The following CBR4 variants were observed in gnomAD, a reference collection of about 807,000 sequenced individuals.
The protein encoded by CBR4 is 3-oxoacyl-[acyl-carrier-protein] reductase.
CBR4 carries 22 observed loss-of-function variants against 21.0 expected under a neutral mutation model. The observed-to-expected ratio is 1.05, with a 90% CI of 0.75 to 1.50. The LOEUF is 1.50. Ranked by LOEUF, CBR4 falls within the 40% of genes most tolerant of loss-of-function variation. The probability of loss-of-function intolerance (pLI) is 0.00; values close to 1 mark genes in which losing one functional copy is unlikely to be tolerated. For synonymous variants in CBR4, 100 were observed against 104.4 expected (o/e 0.96, Z 0.26); for missense variants, 302 against 286.3 (o/e 1.05, Z -0.40).
intron 2 of CBR4, among the ~76,000 whole-genome samples, chr4:168,975,119 C>T (rs1764329567): frequency 6.6e-6 from 1 of 152,024 alleles, no homozygotes; most frequent in South Asian, 2.1e-4. Flanking sequence ...GTTCTCTCCC[C>T]CTTCCTCTAG....
chr4:168,911,268 T>C (rs992766282), intron 2 of CBR4, among the ~76,000 whole-genome samples: 1 of 152,230 alleles, frequency 6.6e-6, no homozygotes, highest in Admixed American at 6.5e-5. Flanking sequence ...TAACAACCCA[T>C]ACCTCCTTTT....
At chr4:168,924,391 A>C (rs1254614507) in intron 2 of CBR4, 11 of 1,614,034 alleles carry the variant, frequency 6.8e-6, no homozygotes, top group East Asian at 2.2e-5. Context: ...AAGAAAATGA[A>C]TCACTCACTC....
intron 1 of CBR4, among the ~76,000 whole-genome samples, chr4:169,008,643 GTCTC>G (rs977450553): frequency 2.0e-4 from 31 of 152,256 alleles, no homozygotes; most frequent in African/African-American, 7.2e-4. Context: ...AGCATCCTGT[GTCTC>G]TCTTACTCTT....
intron 4 of CBR4, among the ~76,000 whole-genome samples, chr4:168,991,245 C>T (rs1764909542): frequency 2.0e-5 from 3 of 152,208 alleles, no homozygotes; most frequent in African/African-American, 4.8e-5. Flanking sequence ...CTTTGGGGAA[C>T]CTATGATTTG....
chr4:168,903,663 C>A, intron 2 of CBR4: 6 of 1,011,898 alleles, frequency 5.9e-6, no homozygotes, highest in Non-Finnish European at 9.4e-6. Flanking sequence ...AAACTCAGAT[C>A]AGCTCTGCAA....
intron 2 of CBR4, among the ~76,000 whole-genome samples, chr4:168,974,600 AT>A (rs573623080): frequency 2.0e-5 from 3 of 151,638 alleles, no homozygotes; most frequent in Non-Finnish European, 4.4e-5. Context: ...GGCTTTGTTC[AT>A]TTTTTTTATT....
Position 169,010,029 on chromosome 4 carries a change from A to T in CBR4, c.61T>A (p.Leu21Ile). ...SRGIGRAVAQ[L>I]MARKGYRLAV... is the part of the protein sequence containing the mutation. Reference sequence around the variant, plus strand: ...AGTCGGTAGCCTTTCCGGGCCATTAACTGGGCCACAGCTCTGCCAATGCCT... The same window carrying T: ...AGTCGGTAGCCTTTCCGGGCCATTATCTGGGCCACAGCTCTGCCAATGCCT... The change falls in exon 1 of 5, where the codon TTA becomes ATA. Residue 21 changes from leucine (L) to isoleucine (I), a missense_variant. Transcript: ENST00000306193. 1 of 1,613,790 alleles carries T rather than the reference A, an allele frequency of 6.2e-7. No individual in the cohort carries two copies.
intron 2 of CBR4, among the ~76,000 whole-genome samples, chr4:168,919,714 A>G (rs1049655642): frequency 6.6e-6 from 1 of 152,164 alleles, no homozygotes. Flanking sequence ...GACACTGATT[A>G]TCCTTAACTG....
intron 2 of CBR4, chr4:168,924,550 A>G (rs778470703): frequency 1.3e-4 from 123 of 965,542 alleles, no homozygotes; most frequent in Non-Finnish European, 9.7e-5. Flanking sequence ...GATGAAATCA[A>G]TCAAAGACAA....
rs1237979158 is a variant in CBR4 at position 168,896,625 on chromosome 4, T to C, written n.170-1860A>G. On this transcript the variant is annotated intron_variant and non_coding_transcript_variant, in intron 2 of 3. Coordinates refer to the CBR4 transcript ENST00000509108. Reference sequence around the variant, plus strand: ...GTTAAGCTTTTCACCTTTCTTCTCCTTCCAGTCTTTCTCTGTGTCTGTTTT... The same window carrying C: ...GTTAAGCTTTTCACCTTTCTTCTCCCTCCAGTCTTTCTCTGTGTCTGTTTT... The C allele has an allele frequency of 3.0e-6, 4 of 1,330,960 alleles. No individual in the cohort carries two copies. In the South Asian group the frequency reaches 5.1e-5, roughly 17 times the overall value. 82.4% of individuals were successfully genotyped at this position (1,330,960 alleles called of 1,614,324 possible).
At chr4:168,984,529 C>T (rs1270017729), downstream of CBR4, among the ~76,000 whole-genome samples, 1 of 152,076 alleles carries the variant, frequency 6.6e-6, no homozygotes, top group African/African-American at 2.4e-5. Context: ...CTACCAATGA[C>T]ATTTTTAACA....
intron 2 of CBR4, among the ~76,000 whole-genome samples, chr4:168,929,864 G>C (rs1175736160): frequency 6.6e-6 from 1 of 152,176 alleles, no homozygotes; most frequent in East Asian, 1.9e-4. Context: ...TATTATTTTA[G>C]TGTAGTTGGA....
At chr4:168,901,847 T>C (rs6817233) in intron 2 of CBR4, among the ~76,000 whole-genome samples, 103,836 of 152,066 alleles carry the variant, frequency 0.68, 37,130 homozygotes, top group East Asian at 0.96. Context: ...GGGACAGAGC[T>C]AGACTCATCT....
chr4:169,004,665 T>C (rs1027187135), intron 3 of CBR4, among the ~76,000 whole-genome samples: 2 of 152,236 alleles, frequency 1.3e-5, no homozygotes, highest in African/African-American at 4.8e-5. Context: ...GTGACTTACA[T>C]TCTTGACATA....
chr4:169,000,027 T>A (rs111359742), intron 4 of CBR4, among the ~76,000 whole-genome samples: 2,382 of 152,304 alleles, frequency 0.016, 38 homozygotes, highest in African/African-American at 0.038. Context: ...GTTAGCTAAG[T>A]ACACTTCCAT....
Position 168,971,436 on chromosome 4 carries a change from A to ATTTTTTTT in CBR4, n.169+30627_169+30634dup, listed in dbSNP as rs70961566. 1.2e-3 allele frequency among the ~76,000 whole-genome samples: 135 copies of ATTTTTTTT among 114,014 alleles called. 2 individuals carry two copies. The highest frequency in any genetic ancestry group is 1.8e-3 in the Non-Finnish European group (101 of 57,080). The allele number at this position is 114,014 out of a possible 152,430, so 74.8% of individuals were successfully genotyped here. A position where few individuals can be genotyped will look rare whatever the true frequency, so the allele number is the denominator to read the frequency against. On this transcript the variant is annotated intron_variant and non_coding_transcript_variant, in intron 2 of 3. Transcript: ENST00000509108. The stretch of plus-strand genomic sequence containing the variant: ...AGGCACACACCACCATGCCCAGCTC[A>ATTTTTTTT]TTTTTTTTTTTTTTTTTTTTTTGTA...
At chr4:169,004,532 T>C (rs1379199775) in intron 3 of CBR4, among the ~76,000 whole-genome samples, 1 of 152,252 alleles carries the variant, frequency 6.6e-6, no homozygotes, top group Non-Finnish European at 1.5e-5. Context: ...TCCTTTGTCA[T>C]TTCAACAGTA....
At chr4:168,913,701 C>CA (rs932821016) in intron 2 of CBR4, among the ~76,000 whole-genome samples, 2 of 151,406 alleles carry the variant, frequency 1.3e-5, no homozygotes, top group African/African-American at 4.9e-5. Context: ...TTAAGAGTTC[C>CA]AAAAAAAGAC....
intron 2 of CBR4, among the ~76,000 whole-genome samples, chr4:168,957,638 G>A (rs1763724617): frequency 6.6e-6 from 1 of 152,118 alleles, no homozygotes; most frequent in Non-Finnish European, 1.5e-5. Context: ...TTCACTCCCA[G>A]GCCCAGACAA....
Sources: allele counts gnomAD v4.1 joint callset (sites outside exome capture counted in the v4.1 genomes callset), GRCh38; gene constraint gnomAD v4.1.1; transcripts MANE v1.5; gene names NCBI Gene and HGNC (gene_info 2026-07-23, HGNC 2026-07-21).